Variants in RFX2 observed in about 807,000 individuals in gnomAD.
RFX2 encodes regulatory factor X2.
In RFX2, 20 loss-of-function variants were observed where a neutral mutation model predicts 87.8. That is an observed-to-expected ratio of 0.23 (90% CI 0.16 to 0.33). The LOEUF (loss-of-function observed/expected upper bound fraction) is 0.33, where lower values mean the gene tolerates loss of function less well. Among genes scored for constraint, RFX2 ranks in the 10% least tolerant of loss-of-function variants. The probability of loss-of-function intolerance (pLI) is 1.00; values close to 1 mark genes in which losing one functional copy is unlikely to be tolerated. For synonymous variants in RFX2, 397 were observed against 431.3 expected (o/e 0.92, Z 0.98); for missense variants, 767 against 1,012.3 (o/e 0.76, Z 3.29).
At chr19:6,055,952 G>C (rs1006626211) in intron 1 of RFX2, among the ~76,000 whole-genome samples, 2 of 151,974 alleles carry the variant, frequency 1.3e-5, no homozygotes, top group African/African-American at 4.8e-5. Flanking sequence ...GAAAGAAGTT[G>C]AGTCCAAAAG....
At position 5,994,873 on chromosome 19, in the gene RFX2, C is replaced by T; in HGVS notation, c.2134G>A (p.Glu712Lys). ...AGGGAGTGGTTGGGGTCACTGCGCT[C>T]CCGCTTTACCAGGGGCTCACCCAGG... Reference protein sequence around the residue: ...RSLGEPLVKRERSDPNHSLQG... With the variant: ...RSLGEPLVKRKRSDPNHSLQG... The change falls in exon 18 of 18, where the codon GAG (glutamate) becomes AAG (lysine). Residue 712 changes from glutamate to lysine, a missense_variant. Around this residue, in one of 2 missense-constraint regions of RFX2, gnomAD observed 621 missense variants for 873.0 expected, o/e 0.71. Coordinates refer to ENST00000303657, the MANE Select transcript of RFX2 (RefSeq NM_000635.4). The T allele has an allele frequency of 6.2e-7, 1 of 1,610,606 alleles. No homozygotes were observed. Among genetic ancestry groups the T allele is most frequent in the Non-Finnish European group, 8.5e-7 (1 of 1,179,870 alleles).
chr19:5,996,158 C>T (rs1042934143), intron 16 of RFX2, among the ~76,000 whole-genome samples: 10 of 117,800 alleles, frequency 8.5e-5, no homozygotes, highest in African/African-American at 3.3e-4. Context: ...CGCCATTCAT[C>T]AAGCATCATC....
intron 5 of RFX2, among the ~76,000 whole-genome samples, chr19:6,032,569 A>G (rs1461492581): frequency 6.6e-6 from 1 of 152,202 alleles, no homozygotes; most frequent in East Asian, 1.9e-4. Context: ...CAGGGCTGAG[A>G]GGCTGGGGGA....
At chr19:6,100,620 G>GTAA (rs1479043529) in intron 1 of RFX2, among the ~76,000 whole-genome samples, 1 of 152,114 alleles carries the variant, frequency 6.6e-6, no homozygotes, top group Non-Finnish European at 1.5e-5. Context: ...GCAGGCCCAC[G>GTAA]TAAATCGGAG....
rs958311723 is a variant in RFX2 at position 5,997,423 on chromosome 19, C to T, written c.1860-210G>A. 1.4e-5 allele frequency: 8 copies of T among 555,208 alleles called. No homozygotes were observed. Among genetic ancestry groups the T allele is most frequent in the Admixed American group, 3.3e-5 (1 of 30,630 alleles). 34.4% of individuals were successfully genotyped at this position (555,208 alleles called of 1,614,324 possible). On this transcript the variant is annotated intron_variant, in intron 15 of 17. Coordinates refer to ENST00000303657, the MANE Select transcript of RFX2 (RefSeq NM_000635.4). The surrounding 1 kb of genome is among the most constrained non-coding windows in gnomAD (Gnocchi z 4.2). The stretch of plus-strand genomic sequence containing the variant: ...GACGGACAGGTGGGGCCGGCCTGCG[C>T]GCTCAGTTCCAGAGACCACCTGGGG...
rs2086379215 is a variant in RFX2, at chr19:5,994,714, G to A, written c.*121C>T. The A allele has an allele frequency of 1.5e-6, 1 of 671,206 alleles. No homozygotes were observed. The highest frequency in any genetic ancestry group is 2.6e-6 in the Non-Finnish European group (1 of 390,204). 41.6% of individuals were successfully genotyped at this position (671,206 alleles called of 1,614,324 possible). On this transcript the variant is annotated 3_prime_UTR_variant, in exon 18 of 18. Transcript: ENST00000303657. Reference sequence around the variant, plus strand: ...ACACTGACCCCGGGAGCCCCCGCTTGAGTCAAAGTAAACATCACATCATCT... The same window carrying A: ...ACACTGACCCCGGGAGCCCCCGCTTAAGTCAAAGTAAACATCACATCATCT...
rs745728388 is a variant in RFX2 at position 6,004,478 on chromosome 19, G to A, written c.1403-180C>T. ...CGGGAAGAACCAGGCATGGCCCAGC[G>A]CTGCTGGTCACCACCCACTGCCTAT... On this transcript the variant is annotated intron_variant, in intron 12 of 17. Transcript: ENST00000303657. The surrounding 1 kb of genome is among the most constrained non-coding windows in gnomAD (Gnocchi z 4.8). Among the ~76,000 whole-genome samples, 35 of 152,342 alleles carry A rather than the reference G, an allele frequency of 2.3e-4. No individual in the cohort carries two copies. The highest frequency in any genetic ancestry group is 1.7e-3 in the South Asian group (8 of 4,820).
At chr19:6,014,045 G>A (rs1471699855) in intron 7 of RFX2, among the ~76,000 whole-genome samples, 1 of 152,094 alleles carries the variant, frequency 6.6e-6, no homozygotes, top group African/African-American at 2.4e-5. Flanking sequence ...TTTATTACGG[G>A]AGAATGATGA....
Position 6,002,785 on chromosome 19 carries a change from T to C in RFX2, c.1586A>G (p.Gln529Arg). 3.7e-6 allele frequency: 6 copies of C among 1,613,940 alleles called. No homozygotes were observed. Among genetic ancestry groups the C allele is most frequent in the Non-Finnish European group, 5.1e-6 (6 of 1,179,940 alleles). The change falls in exon 14 of 18, where the codon CAG becomes CGG. Residue 529 changes from glutamine to arginine, a missense_variant. Coordinates refer to ENST00000303657, the MANE Select transcript of RFX2 (RefSeq NM_000635.4). The surrounding 1 kb of genome is among the most constrained non-coding windows in gnomAD (Gnocchi z 6.7). ...HLAQAARAVLQNTSQINQMLS... is the reference protein window; with the variant it reads ...HLAQAARAVLRNTSQINQMLS... ...CATCTGGTTGATCTGGGACGTGTTC[T>C]GCAGCACCGCCCGGGCCGCCTGCGC...
rs567706966 is a variant in RFX2 at position 6,061,976 on chromosome 19, TACAA to T, written c.-8-14476_-8-14473del. ...GGGCAACATAGCGAGGCCCCATCTC[TACAA>T]ACAAACAAACAAACAACAACAACAA... On this transcript the variant is annotated intron_variant, in intron 1 of 17. Coordinates refer to ENST00000303657, the MANE Select transcript of RFX2 (RefSeq NM_000635.4). This position sits in a 1 kb window ranked among gnomAD's most constrained non-coding sequence, Gnocchi z 5.2. Among the ~76,000 whole-genome samples the T allele has an allele frequency of 3.9e-5, 6 of 152,082 alleles. No individual in the cohort carries two copies. The highest frequency in any genetic ancestry group is 7.4e-5 in the Non-Finnish European group (5 of 67,970).
Position 6,013,176 on chromosome 19 carries a change from TTTTC to T in RFX2, c.780-75_780-72del, listed in dbSNP as rs996273031. ...GAACAACAAGACAGGTTGGGATTCT[TTTTC>T]TTTCTTTCTTCTTTTTTTTTTTTGA... On this transcript the variant is annotated intron_variant, in intron 7 of 17. Coordinates refer to ENST00000303657, the MANE Select transcript of RFX2 (RefSeq NM_000635.4). The surrounding 1 kb of genome is among the most constrained non-coding windows in gnomAD (Gnocchi z 4.1). The T allele has an allele frequency of 5.4e-5, 77 of 1,427,768 alleles. No individual in the cohort carries two copies. Among genetic ancestry groups the T allele is most frequent in the Non-Finnish European group, 6.6e-5 (71 of 1,076,110 alleles). 88.4% of individuals were successfully genotyped at this position (1,427,768 alleles called of 1,614,324 possible). A position where few individuals can be genotyped will look rare whatever the true frequency, so the allele number is the denominator to read the frequency against.
intron 1 of RFX2, among the ~76,000 whole-genome samples, chr19:6,058,009 G>A (rs573211421): frequency 3.3e-5 from 5 of 152,294 alleles, no homozygotes; most frequent in Admixed American, 6.5e-5. Context: ...GTGGATTCTC[G>A]AACCCTCCTT....
At chr19:6,052,383 G>A (rs756614809) in intron 1 of RFX2, among the ~76,000 whole-genome samples, 2 of 152,088 alleles carry the variant, frequency 1.3e-5, no homozygotes, top group African/African-American at 2.4e-5. Flanking sequence ...TTCAAGATAC[G>A]TAAAGTAAAA....
chr19:6,100,868 A>C (rs2088114362), intron 1 of RFX2, among the ~76,000 whole-genome samples: 1 of 135,222 alleles, frequency 7.4e-6, no homozygotes, highest in Admixed American at 6.8e-5. Context: ...TATTGATTTA[A>C]TTGAATTAAT....
At position 6,002,061 on chromosome 19, in the gene RFX2, C is replaced by T. The variant is rs770678751; in HGVS notation, c.1651-38G>A. The T allele has an allele frequency of 3.3e-6, 5 of 1,535,348 alleles. No individual in the cohort carries two copies. The highest frequency in any genetic ancestry group is 3.5e-6 in the Non-Finnish European group (4 of 1,134,618). ...CAGAGGCCAGTGTCAGCAATGTGGA[C>T]CCCCAGCCACGGCAGCCCTCCCTGG... On this transcript the variant is annotated intron_variant, in intron 14 of 17. Transcript: ENST00000303657. This position sits in a 1 kb window ranked among gnomAD's most constrained non-coding sequence, Gnocchi z 6.7.
rs1217365706 is a variant in RFX2, at chr19:6,025,784, C to CTTTT, written c.597+375_597+378dup. Among the ~76,000 whole-genome samples the CTTTT allele has an allele frequency of 2.8e-4, 36 of 130,012 alleles. No homozygotes were observed. The East Asian group carries it at 3.5e-3, about 13-fold the overall frequency. The allele number at this position is 130,012 out of a possible 152,430, so 85.3% of individuals were successfully genotyped here. A position where few individuals can be genotyped will look rare whatever the true frequency, so the allele number is the denominator to read the frequency against. On this transcript the variant is annotated intron_variant, in intron 6 of 17. Transcript: ENST00000303657. Reference sequence around the variant, plus strand: ...AAAGGTGTCATTTTATTGTCTTCTTCTTTTTTTTTTTTTTTTTTTGAGATG... The same window carrying CTTTT: ...AAAGGTGTCATTTTATTGTCTTCTTCTTTTTTTTTTTTTTTTTTTTTTTGAGATG...
At chr19:6,109,535 G>T (rs1008808943) in intron 1 of RFX2, among the ~76,000 whole-genome samples, 3 of 152,086 alleles carry the variant, frequency 2.0e-5, no homozygotes, top group African/African-American at 4.8e-5. Context: ...GTATGTCTGG[G>T]AGTCCATTAA....
chr19:6,021,069 T>C lies in RFX2; in HGVS notation c.598-4798A>G, dbSNP rs896502296. 1.3e-5 allele frequency among the ~76,000 whole-genome samples: 2 copies of C among 152,196 alleles called. No homozygotes were observed. Among genetic ancestry groups the C allele is most frequent in the Non-Finnish European group, 2.9e-5 (2 of 68,018 alleles). On this transcript the variant is annotated intron_variant, in intron 6 of 17. Transcript: ENST00000303657. This position sits in a 1 kb window ranked among gnomAD's most constrained non-coding sequence, Gnocchi z 5.7. ...AAGGCAGGGATCATGCCCACCTACCTGGCCCCCTTTGTCTCCTAAGATACT... is the reference window on the plus strand; with the variant it reads ...AAGGCAGGGATCATGCCCACCTACCCGGCCCCCTTTGTCTCCTAAGATACT...
chr19:6,069,634 G>A lies in RFX2; in HGVS notation c.-8-22130C>T, dbSNP rs544886332. On this transcript the variant is annotated intron_variant, in intron 1 of 17. Transcript: ENST00000303657. ...GAGGCCAAAGAAGTATAAGCAAGTGGTGTCCTGAGAACCAAGTGACTCTGG... is the reference window on the plus strand; with the variant it reads ...GAGGCCAAAGAAGTATAAGCAAGTGATGTCCTGAGAACCAAGTGACTCTGG... Among the ~76,000 whole-genome samples, 9 of 152,326 alleles carry A rather than the reference G, an allele frequency of 5.9e-5. No homozygotes were observed. The East Asian group carries it at 1.5e-3, about 26-fold the overall frequency.
Sources: allele counts gnomAD v4.1 joint callset (sites outside exome capture counted in the v4.1 genomes callset), GRCh38; gene constraint gnomAD v4.1.1; regional missense constraint gnomAD v4.1.1; non-coding constraint Gnocchi (gnomAD v3.1); transcripts MANE v1.5; gene names NCBI Gene and HGNC (gene_info 2026-07-23, HGNC 2026-07-21).